The following QKI variants were observed in gnomAD, a reference collection of about 807,000 sequenced individuals.
The protein encoded by QKI is QKI, KH domain containing RNA binding.
A neutral mutation model predicts 39.0 loss-of-function variants in QKI; 10 were observed. The ratio of observed to expected loss-of-function variants is 0.26; its 90% CI spans 0.16 to 0.43. QKI has a LOEUF of 0.43. Among genes scored for constraint, QKI ranks in the 20% least tolerant of loss-of-function variants. The pLI is 1.00. For missense variants in QKI, 218 were observed against 428.0 expected, an observed-to-expected ratio of 0.51 and a Z score of 4.33; for synonymous variants, 204 against 155.4, an observed-to-expected ratio of 1.31 and a Z score of -2.33.
chr6:163,566,129 G>T, intron 6 of QKI: 1 of 1,425,524 alleles, frequency 7.0e-7, no homozygotes, highest in Non-Finnish European at 9.2e-7. Flanking sequence ...TATTAATTTG[G>T]TTTAGTCTGT....
At chr6:163,416,134 GT>G (rs1490579254) in intron 1 of QKI, among the ~76,000 whole-genome samples, 4 of 151,692 alleles carry the variant, frequency 2.6e-5, no homozygotes, top group Non-Finnish European at 1.5e-5. Flanking sequence ...TGGGCGGAGG[GT>G]TTGCTCCCGG....
intron 4 of QKI, among the ~76,000 whole-genome samples, chr6:163,561,720 T>A (rs1001471347): frequency 6.6e-6 from 1 of 152,234 alleles, no homozygotes; most frequent in Admixed American, 6.5e-5. Flanking sequence ...AGTAAAGCTT[T>A]TTAGGGGAAC....
chr6:163,570,563 A>T (rs1344064065), intron 7 of QKI, 131 bp from the exon 8 acceptor site: 1 of 1,505,762 alleles, frequency 6.6e-7, no homozygotes, highest in East Asian at 2.3e-5. Context: ...AGAATTAAAC[A>T]TGCTTTTTTT....
intron 2 of QKI, among the ~76,000 whole-genome samples, chr6:163,457,075 T>A (rs1168435682): frequency 6.6e-6 from 1 of 151,992 alleles, no homozygotes; most frequent in Admixed American, 6.6e-5. Flanking sequence ...GCTGTTCCAA[T>A]TGGGGTCTAC....
intron 1 of QKI, among the ~76,000 whole-genome samples, chr6:163,450,162 A>G (rs942648241): frequency 2.0e-5 from 3 of 151,988 alleles, no homozygotes; most frequent in Admixed American, 1.3e-4. Flanking sequence ...AGTTTAAGCA[A>G]TTCTCCTGCC....
intron 2 of QKI, among the ~76,000 whole-genome samples, chr6:163,467,766 C>A (rs1791876086): frequency 6.6e-6 from 1 of 152,128 alleles, no homozygotes; most frequent in South Asian, 2.1e-4. Flanking sequence ...AAACACAAGA[C>A]ATTTTGGTAT....
chr6:163,445,426 C>T (rs1191975046), intron 1 of QKI, among the ~76,000 whole-genome samples: 1 of 151,668 alleles, frequency 6.6e-6, no homozygotes, highest in East Asian at 1.9e-4. Context: ...TTCCTCCAAT[C>T]TGTGGCCATT....
chr6:163,570,654 CTTTTTTTTGTTTTGT>C (rs765470397), intron 7 of QKI, 25 bp from the exon 8 acceptor site: 7 of 1,601,620 alleles, frequency 4.4e-6, no homozygotes, highest in Admixed American at 1.7e-5. Context: ...CTTTTCTTTT[CTTTTTTTTGTTTTGT>C]TTTTTTTTGT....
rs183343476 is a variant in QKI, at chr6:163,424,426, T to A, written c.142+9091T>A. Reference sequence around the variant, plus strand: ...CCCTGTGATGAAGTGGTAAGCATTCTTGTACTATAGACCTGGGATCTAATC... The same window carrying A: ...CCCTGTGATGAAGTGGTAAGCATTCATGTACTATAGACCTGGGATCTAATC... On this transcript the variant is annotated intron_variant, in intron 1 of 7. Coordinates refer to ENST00000361752, the MANE Select transcript of QKI (RefSeq NM_006775.3). 4.6e-5 allele frequency among the ~76,000 whole-genome samples: 7 copies of A among 152,308 alleles called. No individual in the cohort carries two copies. In the East Asian group the frequency reaches 1.4e-3, roughly 29 times the overall value.
rs886311391 is a variant in QKI at position 163,565,832 on chromosome 6, G to C, written c.935-889G>C. On this transcript the variant is annotated intron_variant, in intron 6 of 7. Transcript: ENST00000361752. The stretch of plus-strand genomic sequence containing the variant: ...CTCACATTAAATTATTTTAAAATAA[G>C]CAGTGCCCTTCAAAACAGATGCAGA... The C allele has an allele frequency of 1.4e-5, 20 of 1,440,432 alleles. No individual in the cohort carries two copies. The Middle Eastern group carries it at 5.6e-4, about 40-fold the overall frequency. The allele number at this position is 1,440,432 out of a possible 1,614,324, so 89.2% of individuals were successfully genotyped here.
At chr6:163,529,535 A>G (rs1412342787) in intron 3 of QKI, among the ~76,000 whole-genome samples, 1 of 152,164 alleles carries the variant, frequency 6.6e-6, no homozygotes, top group Non-Finnish European at 1.5e-5. Context: ...TACAGAAAAA[A>G]AAGAAATAAA....
chr6:163,557,683 TACAA>T (rs1782719959), intron 4 of QKI, among the ~76,000 whole-genome samples: 1 of 152,134 alleles, frequency 6.6e-6, no homozygotes, highest in African/African-American at 2.4e-5. Flanking sequence ...TTGTTTATAA[TACAA>T]AGAAAGGATA....
chr6:163,474,389 C>T (rs922811252), intron 2 of QKI, among the ~76,000 whole-genome samples: 1 of 151,786 alleles, frequency 6.6e-6, no homozygotes, highest in African/African-American at 2.4e-5. Flanking sequence ...TCATTATTTC[C>T]AGGTGATGTG....
chr6:163,457,965 A>G (rs1231945343), intron 2 of QKI, among the ~76,000 whole-genome samples: 1 of 152,186 alleles, frequency 6.6e-6, no homozygotes, highest in Non-Finnish European at 1.5e-5. Flanking sequence ...ATGGAGAGAC[A>G]GGAACAGAAT....
chr6:163,565,996 A>G lies in QKI; in HGVS notation c.935-725A>G, dbSNP rs1425808898. ...AGAATTCAAGAACGGTCTTAACTGAACCCTCATCAGATCTGAATTTAACAA... is the reference window on the plus strand; with the variant it reads ...AGAATTCAAGAACGGTCTTAACTGAGCCCTCATCAGATCTGAATTTAACAA... On this transcript the variant is annotated intron_variant, in intron 6 of 7. Coordinates refer to ENST00000361752, the MANE Select transcript of QKI (RefSeq NM_006775.3). 1.7e-5 allele frequency: 28 copies of G among 1,611,534 alleles called. No homozygotes were observed. The Admixed American group carries it at 4.7e-4, about 27-fold the overall frequency.
At chr6:163,457,720 G>A (rs1191638874) in intron 2 of QKI, among the ~76,000 whole-genome samples, 6 of 151,022 alleles carry the variant, frequency 4.0e-5, no homozygotes, top group Admixed American at 6.6e-5. Context: ...GCCAGGCATC[G>A]TTTCAGGAGG....
chr6:163,480,654 A>AT (rs1323047386), intron 3 of QKI, among the ~76,000 whole-genome samples: 1 of 152,148 alleles, frequency 6.6e-6, no homozygotes, highest in Non-Finnish European at 1.5e-5. Flanking sequence ...GATGTATTAA[A>AT]TTTTTTTATG....
At chr6:163,547,220 AAAG>A (rs1781940496) in intron 4 of QKI, among the ~76,000 whole-genome samples, 1 of 152,190 alleles carries the variant, frequency 6.6e-6, no homozygotes, top group Admixed American at 6.5e-5. Flanking sequence ...ACGACTGACA[AAAG>A]AAATTCATCT....
At chr6:163,453,438 C>T (rs1260155806) in intron 1 of QKI, among the ~76,000 whole-genome samples, 1 of 151,932 alleles carries the variant, frequency 6.6e-6, no homozygotes, top group Non-Finnish European at 1.5e-5. Flanking sequence ...TTTTTTAGTC[C>T]AGAGACCTGG....
Sources: allele counts gnomAD v4.1 joint callset (sites outside exome capture counted in the v4.1 genomes callset), GRCh38; gene constraint gnomAD v4.1.1; transcripts MANE v1.5; gene names NCBI Gene and HGNC (gene_info 2026-07-23, HGNC 2026-07-21).